CADPS: variants seen among roughly 807,000 people sequenced by gnomAD.
CADPS encodes calcium-dependent secretion activator 1.
In CADPS, 57 loss-of-function variants were observed where a neutral mutation model predicts 167.3. The observed-to-expected ratio is 0.34, with a 90% CI of 0.28 to 0.42. The LOEUF (loss-of-function observed/expected upper bound fraction) is 0.42, where lower values mean the gene tolerates loss of function less well. Among genes scored for constraint, CADPS ranks in the 20% least tolerant of loss-of-function variants. The pLI, the probability that CADPS is intolerant of heterozygous loss-of-function variation, is 1.00. For missense variants in CADPS, 1,414 were observed against 1,738.1 expected (o/e 0.81, Z 3.32); for synonymous variants, 676 against 635.3 (o/e 1.06, Z -0.96).
At chr3:62,724,007 A>G (rs1358473948) in intron 3 of CADPS, among the ~76,000 whole-genome samples, 2 of 152,176 alleles carry the variant, frequency 1.3e-5, no homozygotes, top group African/African-American at 4.8e-5. Context: ...TGTCCAAGGG[A>G]GCTGCACTTG....
In CADPS at chr3:62,645,738, C is replaced by T. The variant is rs2068410470; in HGVS notation, c.1309G>A (p.Glu437Lys). ...ATAACTTACGTTGGTTTAGAAGCCTCGGCCTGATCAGTCTGTAGTTTCTCT... is the reference window on the plus strand; with the variant it reads ...ATAACTTACGTTGGTTTAGAAGCCTTGGCCTGATCAGTCTGTAGTTTCTCT... ...GGEKLQTDQA[E>K]ASKPTWGTQG... Residue 437 changes from glutamate (E) to lysine (K), a missense_variant, in exon 6 of 30, where the codon GAG (glutamate) becomes AAG (lysine). Glu to Lys is a moderately conservative substitution (Grantham distance 56). This residue lies in a region of CADPS where 157 missense variants were observed against 229.4 expected (regional missense o/e 0.68). Coordinates refer to ENST00000383710, the MANE Select transcript of CADPS (RefSeq NM_003716.4). 2.5e-6 allele frequency: 4 copies of T among 1,613,984 alleles called. No homozygotes were observed. Among genetic ancestry groups the T allele is most frequent in the Admixed American group, 1.7e-5 (1 of 59,996 alleles).
Position 62,616,407 on chromosome 3 carries a change from G to A in CADPS, c.1326-23659C>T, listed in dbSNP as rs1345212028. On this transcript the variant is annotated intron_variant, in intron 6 of 29. Transcript: ENST00000383710. ...TGACAAAAAACAAAGTTACGTTCCT[G>A]GGAAGTGAGAGAAAATGCCAAAAAA... Among the ~76,000 whole-genome samples, 3 of 152,042 alleles carry A rather than the reference G, an allele frequency of 2.0e-5. No individual in the cohort carries two copies. In the East Asian group the frequency reaches 5.8e-4, roughly 29 times the overall value.
rs578055936 is a variant in CADPS, at chr3:62,662,113, T to G, written c.969+201A>C. Among the ~76,000 whole-genome samples, 13 of 152,282 alleles carry G rather than the reference T, an allele frequency of 8.5e-5. No homozygotes were observed. The East Asian group carries it at 2.5e-3, about 29-fold the overall frequency. On this transcript the variant is annotated intron_variant, in intron 4 of 29. Coordinates refer to ENST00000383710, the MANE Select transcript of CADPS (RefSeq NM_003716.4). ...TGGAGGTCTGAGCTTGGGTATTCAC[T>G]GGAGCATAGGAAATGCATGAGGTAT...
At chr3:62,441,931 T>A (rs370186615) in intron 27 of CADPS, among the ~76,000 whole-genome samples, 11 of 152,270 alleles carry the variant, frequency 7.2e-5, no homozygotes, top group African/African-American at 2.6e-4. Flanking sequence ...GTACTACTTA[T>A]CAGAATTATG....
At chr3:62,630,107 CTG>C in intron 6 of CADPS, among the ~76,000 whole-genome samples, 1 of 152,254 alleles carries the variant, frequency 6.6e-6, no homozygotes, top group East Asian at 1.9e-4. Context: ...AGGGTGGAGA[CTG>C]TGTCTGTCTT....
intron 6 of CADPS, among the ~76,000 whole-genome samples, chr3:62,624,289 G>T (rs75894794): frequency 2.5e-4 from 38 of 152,052 alleles, no homozygotes; most frequent in African/African-American, 8.9e-4. Context: ...TACAATGTTT[G>T]GGCCCTAAAT....
intron 3 of CADPS, among the ~76,000 whole-genome samples, chr3:62,698,183 G>T (rs2080697878): frequency 6.6e-6 from 1 of 152,096 alleles, no homozygotes; most frequent in Admixed American, 6.5e-5. Context: ...CATTCAGAGA[G>T]AGATCATAAA....
rs549601651 is a variant in CADPS, at chr3:62,812,757, G to A, written c.442-46773C>T. Among the ~76,000 whole-genome samples the A allele has an allele frequency of 2.0e-5, 3 of 152,308 alleles. No homozygotes were observed. The South Asian group carries it at 6.2e-4, about 32-fold the overall frequency. ...GGACCCCTTTCTGAATTACAAGTGAGTGGATTATGCATCTCTCCATAAGAG... is the reference window on the plus strand; with the variant it reads ...GGACCCCTTTCTGAATTACAAGTGAATGGATTATGCATCTCTCCATAAGAG... On this transcript the variant is annotated intron_variant, in intron 1 of 29. Coordinates refer to ENST00000383710, the MANE Select transcript of CADPS (RefSeq NM_003716.4).
At chr3:62,536,224 G>A (rs1015678192) in intron 12 of CADPS, 55 of 420,382 alleles carry the variant, frequency 1.3e-4, no homozygotes, top group African/African-American at 8.5e-4. Context: ...CTAAGATAGG[G>A]AGGCTGGGGA....
In CADPS at chr3:62,549,047, G is replaced by T. The variant is rs114883147; in HGVS notation, c.1966+856C>A. 3.0e-3 allele frequency among the ~76,000 whole-genome samples: 460 copies of T among 152,252 alleles called. 2 individuals are homozygous for T. Among genetic ancestry groups the T allele is most frequent in the Non-Finnish European group, 5.1e-3 (345 of 68,020 alleles). ...GCTCAATGACCTAGAATGAATCAGT[G>T]AATTCCATACTAAAGTAATAAATCA... is the stretch of plus-strand genomic sequence containing the variant. On this transcript the variant is annotated intron_variant, in intron 11 of 29. Coordinates refer to ENST00000383710, the MANE Select transcript of CADPS (RefSeq NM_003716.4).
intron 3 of CADPS, among the ~76,000 whole-genome samples, chr3:62,675,309 T>C (rs978562315): frequency 6.6e-6 from 1 of 152,158 alleles, no homozygotes; most frequent in Non-Finnish European, 1.5e-5. Context: ...CATTAGTGTG[T>C]CTGCCTCAAA....
intron 24 of CADPS, chr3:62,470,885 G>A (rs745963319): frequency 3.3e-5 from 5 of 151,960 alleles, no homozygotes; most frequent in East Asian, 3.9e-4. Flanking sequence ...TACAAGCCTC[G>A]GTTATTTGTT....
chr3:62,552,040 T>C (rs2152281327), intron 10 of CADPS, among the ~76,000 whole-genome samples: 1 of 152,248 alleles, frequency 6.6e-6, no homozygotes, highest in South Asian at 2.1e-4. Context: ...CCTAGAATAG[T>C]GCATGGCACA....
chr3:62,756,912 CAGG>C (rs2084063446), intron 2 of CADPS, among the ~76,000 whole-genome samples: 1 of 151,880 alleles, frequency 6.6e-6, no homozygotes, highest in African/African-American at 2.4e-5. Context: ...AGGAGGTATT[CAGG>C]AGGAGGAGGG....
chr3:62,646,926 G>A (rs142373127), intron 5 of CADPS, among the ~76,000 whole-genome samples: 217 of 152,272 alleles, frequency 1.4e-3, no homozygotes, highest in African/African-American at 5.0e-3. Flanking sequence ...TCCAGACTGA[G>A]AGAAAAAGCC....
chr3:62,516,215 G>A, intron 15 of CADPS, 33 bp from the exon 16 acceptor site: 1 of 1,611,650 alleles, frequency 6.2e-7, no homozygotes, highest in Non-Finnish European at 8.5e-7. Context: ...TTATTAAGAA[G>A]GTTCAAGCAA....
chr3:62,493,520 A>T (rs1251223217), intron 19 of CADPS, 125 bp downstream of exon 19: 1 of 638,536 alleles, frequency 1.6e-6, no homozygotes, highest in East Asian at 3.1e-5. Flanking sequence ...TCCATAAATG[A>T]AAGGGTTTGT....
rs1287348129 is a variant in CADPS, at chr3:62,455,720, T to A, written c.3636+9647A>T. Reference sequence around the variant, plus strand: ...TTGCCTTTTGAACATCTCTCAACACTAAGAAGGGTGACAGAATGCAAGCTT... The same window carrying A: ...TTGCCTTTTGAACATCTCTCAACACAAAGAAGGGTGACAGAATGCAAGCTT... On this transcript the variant is annotated intron_variant, in intron 26 of 29. Coordinates refer to ENST00000383710, the MANE Select transcript of CADPS (RefSeq NM_003716.4). This position sits in a 1 kb window ranked among gnomAD's most constrained non-coding sequence, Gnocchi z 4.4. 6.6e-6 allele frequency among the ~76,000 whole-genome samples: 1 copy of A among 152,180 alleles called. No individual in the cohort carries two copies. The highest frequency in any genetic ancestry group is 6.5e-5 in the Admixed American group (1 of 15,286).
Position 62,753,382 on chromosome 3 carries a change from G to T in CADPS, c.888+59C>A. 8.2e-7 allele frequency: 1 copy of T among 1,224,610 alleles called. No homozygotes were observed. The highest frequency in any genetic ancestry group is 1.4e-5 in the South Asian group (1 of 71,042). The allele number at this position is 1,224,610 out of a possible 1,614,324, so 75.9% of individuals were successfully genotyped here. On this transcript the variant is annotated intron_variant, in intron 3 of 29. Coordinates refer to ENST00000383710, the MANE Select transcript of CADPS (RefSeq NM_003716.4). This position sits in a 1 kb window ranked among gnomAD's most constrained non-coding sequence, Gnocchi z 4.6. ...TAAAAAAATCAAGAAGTATCTCATA[G>T]AAGTTGGAATGCAGCTCTGCTTACC...
Sources: gnomAD v4.1 joint callset for allele counts (sites outside exome capture counted in the v4.1 genomes callset) on GRCh38, gnomAD v4.1.1 for gene constraint, gnomAD v4.1.1 regional missense constraint, Gnocchi (gnomAD v3.1) non-coding constraint, MANE v1.5 for transcripts, NCBI Gene and HGNC (gene_info 2026-07-23, HGNC 2026-07-21) for gene names.